MTUS2: variants seen among roughly 807,000 people sequenced by gnomAD.
MTUS2 encodes the protein microtubule associated scaffold protein 2, also known as microtubule-associated tumor suppressor candidate 2.
Under a neutral mutation model 114.1 loss-of-function variants are expected in MTUS2, and 40 were observed. The observed-to-expected ratio is 0.35, with a 90% CI of 0.27 to 0.46. The LOEUF is 0.46. Among genes scored for constraint, MTUS2 ranks in the 20% least tolerant of loss-of-function variants. MTUS2 has a pLI of 1.00. For missense variants in MTUS2, 1,679 were observed against 1,705.4 expected, an observed-to-expected ratio of 0.98 and a Z score of 0.27; for synonymous variants, 688 against 672.0, an observed-to-expected ratio of 1.02 and a Z score of -0.37.
intron 5 of MTUS2, among the ~76,000 whole-genome samples, chr13:29,274,909 A>T (rs935516614): frequency 7.9e-5 from 12 of 151,886 alleles, no homozygotes; most frequent in Admixed American, 3.9e-4. Context: ...TTTTTTTTAA[A>T]TTTTTTGTAG....
intron 5 of MTUS2, among the ~76,000 whole-genome samples, chr13:29,170,290 CTTATTG>C (rs1363193061): frequency 6.6e-6 from 1 of 152,104 alleles, no homozygotes; most frequent in African/African-American, 2.4e-5. Flanking sequence ...TATTCTTGTT[CTTATTG>C]TTATTGTTCT....
At chr13:29,155,072 G>A (rs1269577588) in intron 5 of MTUS2, among the ~76,000 whole-genome samples, 7 of 152,146 alleles carry the variant, frequency 4.6e-5, no homozygotes, top group Admixed American at 6.5e-5. Flanking sequence ...AGTTTTTAAC[G>A]TTCAAGTTTC....
chr13:29,303,024 G>A (rs1030914341), intron 6 of MTUS2, among the ~76,000 whole-genome samples: 11 of 152,214 alleles, frequency 7.2e-5, no homozygotes, highest in Non-Finnish European at 1.3e-4. Flanking sequence ...GGCAACTAAG[G>A]TCTGGAGCAG....
At chr13:29,269,763 T>C (rs1897807030) in intron 5 of MTUS2, among the ~76,000 whole-genome samples, 1 of 152,204 alleles carries the variant, frequency 6.6e-6, no homozygotes, top group African/African-American at 2.4e-5. Flanking sequence ...TACACTCTCA[T>C]GTTCATTGTG....
At chr13:29,228,371 A>G (rs946823744) in intron 5 of MTUS2, among the ~76,000 whole-genome samples, 10 of 152,126 alleles carry the variant, frequency 6.6e-5, no homozygotes, top group Admixed American at 6.6e-4. Context: ...CCCAGGCTGA[A>G]GTACAGTGAC....
intron 8 of MTUS2, among the ~76,000 whole-genome samples, chr13:29,423,904 G>A (rs531731656): frequency 1.9e-4 from 28 of 149,576 alleles, no homozygotes; most frequent in South Asian, 8.5e-4. Context: ...CACTTTTGTC[G>A]CCCAGGCTAC....
intron 5 of MTUS2, among the ~76,000 whole-genome samples, chr13:29,186,907 A>C (rs969598820): frequency 6.6e-6 from 1 of 152,198 alleles, no homozygotes; most frequent in African/African-American, 2.4e-5. Flanking sequence ...AAAATTTTGC[A>C]AAGTATGTTA....
Position 29,100,870 on chromosome 13 carries a change from A to G in MTUS2, c.2544A>G (p.Lys848=). 1 of 1,558,226 alleles carries G rather than the reference A, an allele frequency of 6.4e-7. No homozygotes were observed. Residue 848 remains lysine, a synonymous_variant, in exon 5 of 16, where the codon AAA becomes AAG. Coordinates refer to ENST00000612955, the MANE Select transcript of MTUS2 (RefSeq NM_001033602.4). ...GATACTCACGTCTCCCGGCAGCCAAACTGGCGGCATTTGGCTTTGTCCGGA... is the reference window on the plus strand; with the variant it reads ...GATACTCACGTCTCCCGGCAGCCAAGCTGGCGGCATTTGGCTTTGTCCGGA... ...PPGYSRLPAA[K]LAAFGFVRSS...
At chr13:29,145,675 C>G (rs183913248) in intron 5 of MTUS2, among the ~76,000 whole-genome samples, 1 of 152,102 alleles carries the variant, frequency 6.6e-6, no homozygotes, top group Non-Finnish European at 1.5e-5. Flanking sequence ...CCCACCCACC[C>G]CTGCCACCCC....
chr13:29,485,485 T>C (rs1054635109), intron 10 of MTUS2, among the ~76,000 whole-genome samples: 1 of 152,212 alleles, frequency 6.6e-6, no homozygotes, highest in Non-Finnish European at 1.5e-5. Flanking sequence ...TCAGATTTTT[T>C]GACTCATGGG....
intron 5 of MTUS2, among the ~76,000 whole-genome samples, chr13:29,277,454 A>G (rs1412925036): frequency 6.6e-6 from 1 of 152,218 alleles, no homozygotes; most frequent in African/African-American, 2.4e-5. Context: ...CAATTTTTAA[A>G]GTAAAAGTTC....
At chr13:28,992,972 A>G (rs1884930449) in intron 2 of MTUS2, among the ~76,000 whole-genome samples, 1 of 152,266 alleles carries the variant, frequency 6.6e-6, no homozygotes, top group Non-Finnish European at 1.5e-5. Flanking sequence ...GGAATCATAC[A>G]GTATTTGTTG....
chr13:28,911,845 GTTT>G (rs202187530), intron 2 of MTUS2, among the ~76,000 whole-genome samples: 27 of 103,832 alleles, frequency 2.6e-4, no homozygotes, highest in Non-Finnish European at 4.4e-4. Context: ...ACTTTTTAAT[GTTT>G]TTTTTTTTTT....
At position 29,204,846 on chromosome 13, in the gene MTUS2, G is replaced by A. The variant is rs745345071; in HGVS notation, c.2645-76858G>A. The stretch of plus-strand genomic sequence containing the variant: ...AAGCGCGCAAAGCATCGCTCGCTGG[G>A]CACCTGCTGGCCATAGGGTCCCTCA... On this transcript the variant is annotated intron_variant, in intron 5 of 15. Coordinates refer to ENST00000612955, the MANE Select transcript of MTUS2 (RefSeq NM_001033602.4). Among the ~76,000 whole-genome samples, 7 of 152,346 alleles carry A rather than the reference G, an allele frequency of 4.6e-5. No individual in the cohort carries two copies. In the East Asian group the frequency reaches 9.7e-4, roughly 21 times the overall value.
intron 4 of MTUS2, among the ~76,000 whole-genome samples, chr13:29,041,643 G>C (rs1403143429): frequency 6.6e-6 from 1 of 151,914 alleles, no homozygotes; most frequent in Non-Finnish European, 1.5e-5. Flanking sequence ...TAATTTTCCT[G>C]GTAGAGGTCT....
intron 7 of MTUS2, among the ~76,000 whole-genome samples, chr13:29,342,846 T>C (rs561968209): frequency 1.3e-5 from 2 of 152,234 alleles, no homozygotes; most frequent in East Asian, 3.9e-4. Flanking sequence ...TGTGCTGATT[T>C]TGCTGAGGGT....
chr13:29,407,486 ATTT>A (rs773587462), intron 8 of MTUS2, among the ~76,000 whole-genome samples: 2,338 of 136,456 alleles, frequency 0.017, 38 homozygotes, highest in Middle Eastern at 0.023. Context: ...TTATTTATTT[ATTT>A]ATTTTGAGAT....
chr13:29,086,613 T>C (rs185001547), intron 4 of MTUS2, among the ~76,000 whole-genome samples: 27 of 152,312 alleles, frequency 1.8e-4, no homozygotes, highest in Non-Finnish European at 3.4e-4. Flanking sequence ...GGGGCTCTTT[T>C]TTGGTTCCAT....
intron 2 of MTUS2, among the ~76,000 whole-genome samples, chr13:28,968,132 G>C (rs1277174759): frequency 2.6e-5 from 4 of 152,080 alleles, no homozygotes; most frequent in Non-Finnish European, 5.9e-5. Context: ...CTGCAGTAGT[G>C]ATTCTGATTT....
Sources: allele counts gnomAD v4.1 joint callset (sites outside exome capture counted in the v4.1 genomes callset), GRCh38; gene constraint gnomAD v4.1.1; transcripts MANE v1.5; gene names NCBI Gene and HGNC (gene_info 2026-07-23, HGNC 2026-07-21).